RNF213: variants seen among roughly 807,000 people sequenced by gnomAD.
The protein encoded by RNF213 is E3 ubiquitin-protein ligase RNF213.
RNF213 carries 341 observed loss-of-function variants against 514.4 expected under a neutral mutation model. That is an observed-to-expected ratio of 0.66 (90% CI 0.61 to 0.73). The LOEUF is 0.73. Among genes scored for constraint, RNF213 ranks in the 30% least tolerant of loss-of-function variants. The pLI, the probability that RNF213 is intolerant of heterozygous loss-of-function variation, is 0.00. For synonymous variants in RNF213, 2,655 were observed against 2,658.2 expected, an observed-to-expected ratio of 1.00 and a Z score of 0.04; for missense variants, 5,767 against 6,615.6, an observed-to-expected ratio of 0.87 and a Z score of 4.45.
intron 16 of RNF213, among the ~76,000 whole-genome samples, chr17:80,318,637 G>C (rs1256944185): frequency 2.6e-5 from 4 of 152,086 alleles, no homozygotes; most frequent in Admixed American, 2.6e-4. Flanking sequence ...GCAGTGGCGG[G>C]ATCTCGGCTC....
intron 11 of RNF213, among the ~76,000 whole-genome samples, chr17:80,305,184 C>CTTTT (rs71163950): frequency 0.03 from 3,766 of 127,444 alleles, 199 homozygotes; most frequent in African/African-American, 0.089. Context: ...CAGCAGTGAA[C>CTTTT]TTTTTTTTTT....
At chr17:80,388,524 G>GT (rs753203087) in intron 63 of RNF213, 88 bp from the exon 64 acceptor site, 474 of 937,758 alleles carry the variant, frequency 5.1e-4, no homozygotes, top group Admixed American at 7.1e-4. Flanking sequence ...CTACGCTGCA[G>GT]TTTTCCGGCT....
chr17:80,374,492 G>C lies in RNF213; in HGVS notation c.12977G>C (p.Arg4326Thr), dbSNP rs750884576. ...LRQDHPGQMD[R>T]YLVYGDEYKA... ...CAGGACCACCCAGGCCAGATGGATA[G>C]GTACCTGGTGTACGGCGATGAATAC... Residue 4326 changes from arginine (R) to threonine (T), a missense_variant, in exon 50 of 68, where the codon AGG (arginine) becomes ACG (threonine). Transcript: ENST00000582970. 1 of 1,614,072 alleles carries C rather than the reference G, an allele frequency of 6.2e-7. No individual in the cohort carries two copies. The highest frequency in any genetic ancestry group is 1.3e-5 in the African/African-American group (1 of 74,928).
chr17:80,358,159 G>A (rs933704434), intron 36 of RNF213, 129 bp from the exon 37 acceptor site: 7 of 715,804 alleles, frequency 9.8e-6, no homozygotes, highest in East Asian at 5.4e-5. Flanking sequence ...TATTGCTGTC[G>A]CTGTAGTGTG....
intron 57 of RNF213, 120 bp downstream of exon 57, chr17:80,381,847 G>A: frequency 1.0e-6 from 1 of 979,812 alleles, no homozygotes; most frequent in Non-Finnish European, 1.6e-6. Context: ...TGCTGTTGCT[G>A]GAAAGAATGA....
intron 2 of RNF213, among the ~76,000 whole-genome samples, chr17:80,266,547 G>A (rs1313650692): frequency 1.3e-5 from 2 of 152,026 alleles, no homozygotes; most frequent in Non-Finnish European, 2.9e-5. Flanking sequence ...TGTCACCCAG[G>A]CTGGAGTGCA....
intron 31 of RNF213, among the ~76,000 whole-genome samples, chr17:80,351,075 T>A (rs908639085): frequency 6.6e-6 from 1 of 152,258 alleles, no homozygotes; most frequent in Non-Finnish European, 1.5e-5. Flanking sequence ...TTTCTGGACC[T>A]TTTTGAAGCA....
chr17:80,282,492 A>G (rs1325876812), intron 3 of RNF213, among the ~76,000 whole-genome samples: 1 of 151,856 alleles, frequency 6.6e-6, no homozygotes, highest in Non-Finnish European at 1.5e-5. Context: ...TCCGCCTCCC[A>G]GGTTCACGCC....
rs2044904594 is a variant in RNF213 at position 80,295,547 on chromosome 17, C to T, written c.1756-10C>T. On this transcript the variant is annotated splice_polypyrimidine_tract_variant and intron_variant, in intron 9 of 67. Coordinates refer to ENST00000582970, the MANE Select transcript of RNF213 (RefSeq NM_001256071.3). ...ATGGTTCATGCATCTTCCTCTTCTC[C>T]CACCATCAGGTGAAGAGATACCTGT... The T allele has an allele frequency of 1.2e-6, 2 of 1,614,060 alleles. No individual in the cohort carries two copies. Among genetic ancestry groups the T allele is most frequent in the South Asian group, 1.1e-5 (1 of 91,044 alleles).
rs112918888 is a variant in RNF213 at position 80,263,488 on chromosome 17, G to A, written c.-108-86G>A. The A allele has an allele frequency of 9.6e-6, 6 of 623,348 alleles. No individual in the cohort carries two copies. The highest frequency in any genetic ancestry group is 3.6e-5 in the African/African-American group (2 of 55,334). 38.6% of individuals were successfully genotyped at this position (623,348 alleles called of 1,614,324 possible). A position where few individuals can be genotyped will look rare whatever the true frequency, so the allele number is the denominator to read the frequency against. ...GAGAGCCAAGGGGGCAGCACAGAGC[G>A]GGGAGGGGCTGGGCTTGGGCTGTGC... On this transcript the variant is annotated intron_variant, in intron 1 of 67. Transcript: ENST00000582970. The surrounding 1 kb of genome is among the most constrained non-coding windows in gnomAD (Gnocchi z 4.9).
chr17:80,389,784 T>G, intron 65 of RNF213, 44 bp from the exon 66 acceptor site: 1 of 1,493,336 alleles, frequency 6.7e-7, no homozygotes, highest in Non-Finnish European at 9.3e-7. Flanking sequence ...TGAGTGGGGG[T>G]GTGAGACCTC....
chr17:80,349,980 A>G (rs2144179227), intron 30 of RNF213, 74 bp downstream of exon 30: 2 of 1,554,544 alleles, frequency 1.3e-6, no homozygotes, highest in Non-Finnish European at 1.8e-6. Context: ...TGGCGATGGT[A>G]CCCGCGCCGG....
rs755793068 is a variant in RNF213, at chr17:80,361,860, T to C, written c.11327T>C (p.Met3776Thr). Residue 3776 changes from methionine to threonine, a missense_variant, in exon 39 of 68, where the codon ATG (methionine) becomes ACG (threonine). Transcript: ENST00000582970. ...TTGAAGGATTTCATTCTCTTGACCA[T>C]GCGTGTGTCAACGGAGGAGGAATTA... ...CYLKDFILLTMRVSTEEELKF... is the reference protein window; with the variant it reads ...CYLKDFILLTTRVSTEEELKF... 3.0e-5 allele frequency: 48 copies of C among 1,613,534 alleles called. 1 individual carries two copies. In the South Asian group the frequency reaches 4.9e-4, roughly 17 times the overall value.
In RNF213 at chr17:80,340,169, G is replaced by A; in HGVS notation, c.5802G>A (p.Trp1934Ter). ...TCGTCATGGTCTGTGATGGGGACTG[G>A]GAGCACTGCTACCTCCCCTCTGCCT... ...YQLVMVCDGDWEHCYLPSAFS... is the reference protein window; with the variant it reads ...YQLVMVCDGD Residue 1934 changes from tryptophan (W) to a stop codon, truncating the protein, a stop_gained, in exon 26 of 68, where the codon TGG becomes TGA. Transcript: ENST00000582970. LOFTEE classifies it high-confidence loss of function. 1.9e-6 allele frequency: 3 copies of A among 1,613,994 alleles called. No homozygotes were observed. Among genetic ancestry groups the A allele is most frequent in the Non-Finnish European group, 2.5e-6 (3 of 1,179,996 alleles).
chr17:80,308,504 C>T (rs980525713), intron 13 of RNF213, among the ~76,000 whole-genome samples: 3 of 151,864 alleles, frequency 2.0e-5, no homozygotes, highest in Admixed American at 6.6e-5. Context: ...TCCTGAGTCC[C>T]TCCTAAGGCT....
intron 47 of RNF213, among the ~76,000 whole-genome samples, 188 bp downstream of exon 47, chr17:80,372,173 C>A (rs1329338648): frequency 6.6e-6 from 1 of 152,224 alleles, no homozygotes; most frequent in Non-Finnish European, 1.5e-5. Flanking sequence ...CTTGCATATA[C>A]ATACAAAACA....
intron 61 of RNF213, 79 bp downstream of exon 61, chr17:80,385,700 C>A: frequency 8.1e-7 from 1 of 1,229,016 alleles, no homozygotes; most frequent in Non-Finnish European, 1.2e-6. Context: ...CCTGACTCGG[C>A]CCATCCCTGT....
In RNF213 at chr17:80,263,840, C is replaced by T; in HGVS notation, c.97+62C>T. ...GGGGACCCCTGGAGATGTCTCACCTCCCTTCCAGGAAATGGAAACCCTGGG... is the reference window on the plus strand; with the variant it reads ...GGGGACCCCTGGAGATGTCTCACCTTCCTTCCAGGAAATGGAAACCCTGGG... On this transcript the variant is annotated intron_variant, in intron 2 of 67. Transcript: ENST00000582970. The surrounding 1 kb of genome is among the most constrained non-coding windows in gnomAD (Gnocchi z 4.9). 1 of 1,415,382 alleles carries T rather than the reference C, an allele frequency of 7.1e-7. No homozygotes were observed. Among genetic ancestry groups the T allele is most frequent in the East Asian group, 2.3e-5 (1 of 43,780 alleles). 87.7% of individuals were successfully genotyped at this position (1,415,382 alleles called of 1,614,324 possible). A position where few individuals can be genotyped will look rare whatever the true frequency, so the allele number is the denominator to read the frequency against.
chr17:80,274,295 G>T (rs1205776167), intron 3 of RNF213, among the ~76,000 whole-genome samples: 1 of 151,872 alleles, frequency 6.6e-6, no homozygotes, highest in Non-Finnish European at 1.5e-5. Context: ...GACACCAAGA[G>T]AATGCGTCCT....
Sources: allele counts gnomAD v4.1 joint callset (sites outside exome capture counted in the v4.1 genomes callset), GRCh38; gene constraint gnomAD v4.1.1; non-coding constraint Gnocchi (gnomAD v3.1); transcripts MANE v1.5; gene names NCBI Gene and HGNC (gene_info 2026-07-23, HGNC 2026-07-21).